RNLS: variants seen among roughly 807,000 people sequenced by gnomAD.
RNLS encodes renalase.
A neutral mutation model predicts 39.8 loss-of-function variants in RNLS; 39 were observed. That is an observed-to-expected ratio of 0.98 (90% CI 0.76 to 1.28). The LOEUF (loss-of-function observed/expected upper bound fraction) is 1.28, where lower values mean the gene tolerates loss of function less well. Ranked by LOEUF, RNLS falls within the 50% of genes most tolerant of loss-of-function variation. The probability of loss-of-function intolerance (pLI) is 0.00; values close to 1 mark genes in which losing one functional copy is unlikely to be tolerated. For synonymous variants in RNLS, 147 were observed against 150.7 expected (o/e 0.98, Z 0.18); for missense variants, 410 against 413.3 (o/e 0.99, Z 0.07).
At chr10:88,392,201 C>A (rs1191916543) in intron 4 of RNLS, among the ~76,000 whole-genome samples, 1 of 152,146 alleles carries the variant, frequency 6.6e-6, no homozygotes, top group Non-Finnish European at 1.5e-5. Flanking sequence ...AGAGTTGAAG[C>A]AAATAATCAG....
intron 4 of RNLS, among the ~76,000 whole-genome samples, chr10:88,528,532 T>C (rs567024769): frequency 1.3e-5 from 2 of 152,192 alleles, no homozygotes; most frequent in South Asian, 2.1e-4. Flanking sequence ...AGAGATAAAC[T>C]AGTCCTGAGA....
chr10:88,265,323 C>CTTTTTTTTTTTTTTTTTTTTTTGTTTT, the RNLS span, among the ~76,000 whole-genome samples: 1 of 59,066 alleles, frequency 1.7e-5, no homozygotes, highest in Non-Finnish European at 3.2e-5. Context: ...CAGGGTTTTT[C>CTTTTTTTTTTTTTTTTTTTTTTGTTTT]TTTTTTTTTT....
chr10:88,414,055 AT>A (rs1853862807), intron 4 of RNLS, among the ~76,000 whole-genome samples: 1 of 152,164 alleles, frequency 6.6e-6, no homozygotes. Context: ...TGTTTCTAGT[AT>A]ACATACTTTC....
At chr10:88,377,997 T>TATCA (rs972453723) in intron 4 of RNLS, among the ~76,000 whole-genome samples, 4 of 152,118 alleles carry the variant, frequency 2.6e-5, no homozygotes, top group Non-Finnish European at 4.4e-5. Context: ...TTTTAAGCTT[T>TATCA]ATCATTAAAA....
the RNLS span, among the ~76,000 whole-genome samples, chr10:88,244,314 C>T: frequency 1.6e-4 from 24 of 152,224 alleles, 1 homozygote; most frequent in African/African-American, 7.2e-5. Context: ...ATCCGTACAC[C>T]ATGTTCTGTC....
At chr10:88,580,150 A>G (rs548705572) in intron 3 of RNLS, among the ~76,000 whole-genome samples, 4 of 152,298 alleles carry the variant, frequency 2.6e-5, no homozygotes, top group Admixed American at 6.5e-5. Context: ...CTTGGGACTT[A>G]CCAACCAACA....
At chr10:88,419,550 T>C (rs1262740122) in intron 4 of RNLS, among the ~76,000 whole-genome samples, 1 of 152,250 alleles carries the variant, frequency 6.6e-6, no homozygotes, top group Non-Finnish European at 1.5e-5. Flanking sequence ...AATTCCTGTT[T>C]CTTTTTATTC....
intron 4 of RNLS, among the ~76,000 whole-genome samples, chr10:88,426,607 A>T (rs1475202564): frequency 6.6e-6 from 1 of 152,096 alleles, no homozygotes; most frequent in Admixed American, 6.6e-5. Context: ...TCACTCACAG[A>T]TCACATACTA....
chr10:88,546,692 C>T (rs1199105774), intron 4 of RNLS, among the ~76,000 whole-genome samples: 1 of 152,086 alleles, frequency 6.6e-6, no homozygotes, highest in African/African-American at 2.4e-5. Context: ...TTTGTAATCT[C>T]ATTCATGGTT....
At chr10:88,482,203 A>G (rs1309468280) in intron 4 of RNLS, among the ~76,000 whole-genome samples, 1 of 152,074 alleles carries the variant, frequency 6.6e-6, no homozygotes, top group Non-Finnish European at 1.5e-5. Context: ...CAAATTTGGC[A>G]ACTCTTTGGC....
intron 4 of RNLS, among the ~76,000 whole-genome samples, chr10:88,511,337 T>C (rs957210007): frequency 1.3e-5 from 2 of 152,096 alleles, no homozygotes; most frequent in Non-Finnish European, 2.9e-5. Context: ...GGCATGACTT[T>C]TGGCCTGAGC....
At chr10:88,323,368 A>G (rs1466722931) in intron 5 of RNLS, among the ~76,000 whole-genome samples, 1 of 152,234 alleles carries the variant, frequency 6.6e-6, no homozygotes. Context: ...CTACAAGGCT[A>G]CAGTATCCAA....
At chr10:88,425,883 C>T (rs1477804967) in intron 4 of RNLS, among the ~76,000 whole-genome samples, 1 of 151,932 alleles carries the variant, frequency 6.6e-6, no homozygotes, top group Non-Finnish European at 1.5e-5. Flanking sequence ...TACAGGAAAA[C>T]ACAAAGTGTG....
chr10:88,480,787 TTGTGTGTGTGTG>T lies in RNLS; in HGVS notation c.526+92104_526+92115del, dbSNP rs60584908. Among the ~76,000 whole-genome samples the T allele has an allele frequency of 4.1e-5, 6 of 147,640 alleles. No individual in the cohort carries two copies. In the South Asian group the frequency reaches 6.5e-4, roughly 16 times the overall value. On this transcript the variant is annotated intron_variant, in intron 4 of 6. Coordinates refer to ENST00000331772, the MANE Select transcript of RNLS (RefSeq NM_001031709.3). ...ATTAGTACTGTTTATTCCTGTGTCT[TTGTGTGTGTGTG>T]TGTGTGTGTGTGTGTGTGTGTATGT...
intron 4 of RNLS, among the ~76,000 whole-genome samples, chr10:88,455,329 C>G (rs981913993): frequency 3.3e-5 from 5 of 152,128 alleles, no homozygotes; most frequent in African/African-American, 1.2e-4. Flanking sequence ...ACTAGGGCAA[C>G]TAGTTCAGAT....
At chr10:88,245,837 C>T in the RNLS span, among the ~76,000 whole-genome samples, 12 of 152,192 alleles carry the variant, frequency 7.9e-5, no homozygotes, top group Admixed American at 2.0e-4. Context: ...AAACCGAAGG[C>T]TTGATTCCTG....
chr10:88,560,238 G>T (rs989207187), intron 4 of RNLS, among the ~76,000 whole-genome samples: 17 of 152,086 alleles, frequency 1.1e-4, no homozygotes, highest in African/African-American at 4.1e-4. Flanking sequence ...TAAAGATATG[G>T]CAAGGAAATT....
intron 4 of RNLS, among the ~76,000 whole-genome samples, chr10:88,458,285 A>G (rs551040578): frequency 3.3e-5 from 5 of 152,330 alleles, no homozygotes; most frequent in South Asian, 4.1e-4. Flanking sequence ...AGCAAAACCT[A>G]CCAGTGCCAA....
At chr10:88,509,441 A>T (rs1845973247) in intron 4 of RNLS, among the ~76,000 whole-genome samples, 1 of 103,332 alleles carries the variant, frequency 9.7e-6, no homozygotes, top group African/African-American at 3.2e-5. Context: ...AGGAAATAAG[A>T]GAGAGAGAGA....
Sources: gnomAD v4.1 joint callset for allele counts (sites outside exome capture counted in the v4.1 genomes callset) on GRCh38, gnomAD v4.1.1 for gene constraint, MANE v1.5 for transcripts, NCBI Gene and HGNC (gene_info 2026-07-23, HGNC 2026-07-21) for gene names.